The following GSG1L variants were observed in gnomAD, a reference collection of about 807,000 sequenced individuals.
The protein encoded by GSG1L is GSG1 like.
In GSG1L, 24 loss-of-function variants were observed where a neutral mutation model predicts 42.1. The observed-to-expected ratio is 0.57, with a 90% CI of 0.41 to 0.80. The LOEUF is 0.80. GSG1L is among the 30% of genes least tolerant of loss of function. The pLI, the probability that GSG1L is intolerant of heterozygous loss-of-function variation, is 0.00. For synonymous variants in GSG1L, 215 were observed against 203.5 expected, an observed-to-expected ratio of 1.06 and a Z score of -0.48; for missense variants, 445 against 472.2, an observed-to-expected ratio of 0.94 and a Z score of 0.53.
At chr16:28,054,044 G>A (rs1338151618) in intron 1 of GSG1L, among the ~76,000 whole-genome samples, 14 of 151,912 alleles carry the variant, frequency 9.2e-5, no homozygotes, top group Non-Finnish European at 2.9e-5. Context: ...CTCAGATTCT[G>A]TGTGTGCCAC....
At chr16:27,831,211 A>ACCC (rs2083271565) in intron 4 of GSG1L, among the ~76,000 whole-genome samples, 1 of 152,136 alleles carries the variant, frequency 6.6e-6, no homozygotes, top group African/African-American at 2.4e-5. Flanking sequence ...TCTTGCCACC[A>ACCC]CCCAGCCTGA....
chr16:27,901,736 G>A (rs1250965017), intron 2 of GSG1L, among the ~76,000 whole-genome samples: 2 of 152,208 alleles, frequency 1.3e-5, no homozygotes, highest in Non-Finnish European at 2.9e-5. Flanking sequence ...CTCTCCTCCT[G>A]CAACCTTCTG....
rs1358753793 is a variant in GSG1L at position 28,063,040 on chromosome 16, C to A, written c.349+36G>T. On this transcript the variant is annotated intron_variant, in intron 1 of 6. Transcript: ENST00000447459. The surrounding 1 kb of genome is among the most constrained non-coding windows in gnomAD (Gnocchi z 5.8). Reference sequence around the variant, plus strand: ...CGATGGCCGCGCCGCCCCGGGGGAGCCGGAGCCGAGCTGGCCGCCGCCCGC... The same window carrying A: ...CGATGGCCGCGCCGCCCCGGGGGAGACGGAGCCGAGCTGGCCGCCGCCCGC... The A allele has an allele frequency of 2.9e-6, 4 of 1,369,850 alleles. No individual in the cohort carries two copies. In the East Asian group the frequency reaches 1.0e-4, roughly 35 times the overall value. 84.9% of individuals were successfully genotyped at this position (1,369,850 alleles called of 1,614,324 possible). A position where few individuals can be genotyped will look rare whatever the true frequency, so the allele number is the denominator to read the frequency against.
intron 1 of GSG1L, among the ~76,000 whole-genome samples, chr16:28,009,972 C>A (rs1247757194): frequency 6.6e-6 from 1 of 152,022 alleles, no homozygotes; most frequent in East Asian, 1.9e-4. Flanking sequence ...AAGGCAAGTG[C>A]CCCAATGTCC....
Position 27,791,118 on chromosome 16 carries a change from G to C in GSG1L, c.*252C>G. 2.8e-6 allele frequency: 1 copy of C among 351,588 alleles called. No homozygotes were observed. Among genetic ancestry groups the C allele is most frequent in the East Asian group, 4.2e-5 (1 of 23,944 alleles). The allele number at this position is 351,588 out of a possible 1,614,324, so 21.8% of individuals were successfully genotyped here. A position where few individuals can be genotyped will look rare whatever the true frequency, so the allele number is the denominator to read the frequency against. ...GCCCAGCAGGGCTCATGTGATGATG[G>C]CAAGAGTCCGGGGCTGCTGTCCCAA... On this transcript the variant is annotated 3_prime_UTR_variant, in exon 7 of 7. Coordinates refer to ENST00000447459, the MANE Select transcript of GSG1L (RefSeq NM_001109763.2).
intron 5 of GSG1L, among the ~76,000 whole-genome samples, chr16:27,817,349 C>T (rs1011394346): frequency 2.0e-5 from 3 of 152,214 alleles, no homozygotes; most frequent in African/African-American, 7.2e-5. Flanking sequence ...GTGCCATCCT[C>T]AAGGCCAGCC....
At chr16:27,959,325 G>A (rs902970499) in intron 2 of GSG1L, among the ~76,000 whole-genome samples, 44 of 149,576 alleles carry the variant, frequency 2.9e-4, no homozygotes, top group South Asian at 4.3e-4. Flanking sequence ...AAAATTAGCC[G>A]GGCATGGTGG....
intron 5 of GSG1L, among the ~76,000 whole-genome samples, chr16:27,818,740 C>T (rs1283346892): frequency 2.0e-5 from 3 of 151,220 alleles, no homozygotes; most frequent in Admixed American, 6.6e-5. Flanking sequence ...CATAACATCA[C>T]GTAAAAAGGG....
rs554761524 is a variant in GSG1L, at chr16:28,058,730, C to T, written c.349+4346G>A. Among the ~76,000 whole-genome samples the T allele has an allele frequency of 4.8e-4, 73 of 151,806 alleles. No individual in the cohort carries two copies. In the South Asian group the frequency reaches 0.015, roughly 31 times the overall value. On this transcript the variant is annotated intron_variant, in intron 1 of 6. Transcript: ENST00000447459. ...CCAACATGAAACACATCGAATATGA[C>T]ACTAACATACTCCCAAGCACCAAAA...
chr16:28,057,740 C>T (rs1160698317), intron 1 of GSG1L, among the ~76,000 whole-genome samples: 1 of 152,184 alleles, frequency 6.6e-6, no homozygotes, highest in East Asian at 1.9e-4. Flanking sequence ...TCTGGATCAA[C>T]CCCAACGATG....
chr16:27,860,221 C>T (rs2083629632), intron 3 of GSG1L, among the ~76,000 whole-genome samples: 1 of 152,258 alleles, frequency 6.6e-6, no homozygotes, highest in Non-Finnish European at 1.5e-5. Flanking sequence ...TCTGCACCTG[C>T]CTGCCCTGAC....
intron 1 of GSG1L, among the ~76,000 whole-genome samples, chr16:28,048,039 T>C (rs1275965508): frequency 1.4e-5 from 2 of 140,050 alleles, no homozygotes; most frequent in Non-Finnish European, 3.1e-5. Flanking sequence ...GGCAACATAG[T>C]AACACCTCAT....
At chr16:27,834,938 C>T (rs1033475662) in intron 4 of GSG1L, among the ~76,000 whole-genome samples, 1 of 152,060 alleles carries the variant, frequency 6.6e-6, no homozygotes, top group Non-Finnish European at 1.5e-5. Context: ...CTTTCTTCTG[C>T]TGGCTTTGGG....
At chr16:27,887,781 T>G (rs1215034319) in intron 2 of GSG1L, among the ~76,000 whole-genome samples, 1 of 152,206 alleles carries the variant, frequency 6.6e-6, no homozygotes, top group Non-Finnish European at 1.5e-5. Context: ...TTTCCTCTTC[T>G]TCCCTTTTTT....
chr16:28,015,975 A>G (rs2141160889), intron 1 of GSG1L, among the ~76,000 whole-genome samples: 1 of 152,244 alleles, frequency 6.6e-6, no homozygotes, highest in South Asian at 2.1e-4. Context: ...CAAAGGCTAC[A>G]CTTTCAATCA....
chr16:27,951,288 C>T (rs912408668), intron 2 of GSG1L, among the ~76,000 whole-genome samples: 4 of 152,126 alleles, frequency 2.6e-5, no homozygotes, highest in South Asian at 2.1e-4. Context: ...CAACCTGGGT[C>T]GCAGGGCTGG....
chr16:28,034,302 C>T (rs1240863088), intron 1 of GSG1L, among the ~76,000 whole-genome samples: 2 of 147,316 alleles, frequency 1.4e-5, no homozygotes, highest in Admixed American at 7.0e-5. Context: ...CCCATCCTAT[C>T]CCATCCTATC....
chr16:27,875,747 A>C (rs1246149422), intron 3 of GSG1L, among the ~76,000 whole-genome samples: 1 of 152,156 alleles, frequency 6.6e-6, no homozygotes, highest in East Asian at 1.9e-4. Flanking sequence ...TGAGTCTATG[A>C]CTTAGTTGGT....
chr16:27,882,582 T>G (rs1160668472), intron 3 of GSG1L, among the ~76,000 whole-genome samples: 1 of 152,160 alleles, frequency 6.6e-6, no homozygotes, highest in Admixed American at 6.5e-5. Context: ...TCATCAGGCC[T>G]TTGCTTACGC....
Sources: gnomAD v4.1 joint callset for allele counts (sites outside exome capture counted in the v4.1 genomes callset) on GRCh38, gnomAD v4.1.1 for gene constraint, Gnocchi (gnomAD v3.1) non-coding constraint, MANE v1.5 for transcripts, NCBI Gene and HGNC (gene_info 2026-07-23, HGNC 2026-07-21) for gene names.